Variants in SERPINE2 observed in about 807,000 individuals in gnomAD.
SERPINE2 encodes the protein serpin family E member 2, also known as glia-derived nexin.
In SERPINE2, 14 loss-of-function variants were observed where a neutral mutation model predicts 36.3. The ratio of observed to expected loss-of-function variants is 0.39; its 90% CI spans 0.25 to 0.60. The LOEUF (loss-of-function observed/expected upper bound fraction) is 0.60, where lower values mean the gene tolerates loss of function less well. Among genes scored for constraint, SERPINE2 ranks in the 20% least tolerant of loss-of-function variants. The pLI is 0.57. For synonymous variants in SERPINE2, 192 were observed against 191.8 expected (o/e 1.00, Z -0.01); for missense variants, 418 against 499.6 (o/e 0.84, Z 1.56).
chr2:224,030,927 G>A (rs2106201898), intron 1 of SERPINE2: 1 of 982,574 alleles, frequency 1.0e-6, no homozygotes, highest in South Asian at 4.7e-5. Flanking sequence ...ACAAGTGTCT[G>A]AGGAAGGAAC....
chr2:224,035,724 A>C lies in SERPINE2; in HGVS notation c.-23+3375T>G, dbSNP rs1406853555. Among the ~76,000 whole-genome samples the C allele has an allele frequency of 2.0e-5, 3 of 152,244 alleles. No homozygotes were observed. In the East Asian group the frequency reaches 5.8e-4, roughly 29 times the overall value. On this transcript the variant is annotated intron_variant, in intron 1 of 8. Transcript: ENST00000409304. ...CTATACATCCAAGTGGCATCTCCAG[A>C]TTTCTAAATATTAACTCAAGTTGTA...
At chr2:224,003,980 C>T (rs1420357544) in intron 1 of SERPINE2, among the ~76,000 whole-genome samples, 1 of 152,160 alleles carries the variant, frequency 6.6e-6, no homozygotes, top group African/African-American at 2.4e-5. Context: ...AAACTGGCCC[C>T]GTATTTGGTG....
chr2:223,977,671 C>CT, intron 7 of SERPINE2, 44 bp from the exon 8 acceptor site: 18 of 1,339,840 alleles, frequency 1.3e-5, no homozygotes, highest in Non-Finnish European at 1.8e-5. Flanking sequence ...TTACATGAGA[C>CT]CATGTAAGCA....
chr2:224,006,794 T>C (rs1160026119), intron 1 of SERPINE2, among the ~76,000 whole-genome samples: 1 of 152,192 alleles, frequency 6.6e-6, no homozygotes, highest in Non-Finnish European at 1.5e-5. Context: ...AGGGTTATTC[T>C]CAGGAAAAAT....
intron 1 of SERPINE2, among the ~76,000 whole-genome samples, chr2:224,016,044 C>T (rs1691788479): frequency 6.6e-6 from 1 of 152,156 alleles, no homozygotes; most frequent in Admixed American, 6.5e-5. Flanking sequence ...CATCATTAGC[C>T]ACTGGGGAAA....
intron 1 of SERPINE2, among the ~76,000 whole-genome samples, chr2:224,004,602 G>A (rs893203557): frequency 6.6e-6 from 1 of 152,134 alleles, no homozygotes; most frequent in Admixed American, 6.6e-5. Flanking sequence ...GACCGTGGAA[G>A]CTTTATTCAT....
chr2:224,002,188 G>T (rs1691204953), intron 1 of SERPINE2, among the ~76,000 whole-genome samples: 1 of 152,026 alleles, frequency 6.6e-6, no homozygotes, highest in Non-Finnish European at 1.5e-5. Context: ...TGTTGGCCAG[G>T]CTGGTCTCAA....
intron 1 of SERPINE2, among the ~76,000 whole-genome samples, chr2:224,012,873 T>C (rs1030790355): frequency 6.6e-6 from 1 of 152,050 alleles, no homozygotes; most frequent in South Asian, 2.1e-4. Context: ...AACCAAAGGA[T>C]CATAAAACTT....
intron 1 of SERPINE2, among the ~76,000 whole-genome samples, chr2:224,023,479 C>G (rs1167362492): frequency 6.6e-6 from 1 of 152,162 alleles, no homozygotes; most frequent in African/African-American, 2.4e-5. Context: ...AGAGGGAAGC[C>G]AGGAAAGTGC....
intron 1 of SERPINE2, chr2:224,031,536 T>A: frequency 1.0e-6 from 1 of 984,494 alleles, no homozygotes; most frequent in Non-Finnish European, 1.2e-6. Context: ...CCCACAGCCA[T>A]TGGTACACGG....
At chr2:224,015,017 G>A (rs1189378566) in intron 1 of SERPINE2, among the ~76,000 whole-genome samples, 1 of 151,766 alleles carries the variant, frequency 6.6e-6, no homozygotes, top group Non-Finnish European at 1.5e-5. Flanking sequence ...GTGGGGGCCA[G>A]GGAGGGTGGT....
At chr2:223,996,600 C>T (rs1418725888) in intron 3 of SERPINE2, among the ~76,000 whole-genome samples, 2 of 152,212 alleles carry the variant, frequency 1.3e-5, no homozygotes, top group Non-Finnish European at 2.9e-5. Context: ...CAGCCACTCC[C>T]TCGGCGATTC....
chr2:224,019,765 T>TAAAA (rs778718363), intron 1 of SERPINE2, among the ~76,000 whole-genome samples: 1 of 137,694 alleles, frequency 7.3e-6, no homozygotes, highest in African/African-American at 2.7e-5. Context: ...TTTTTTTTTT[T>TAAAA]AAAAAAAAAA....
chr2:223,999,791 G>C (rs13392722), intron 2 of SERPINE2, among the ~76,000 whole-genome samples: 40,033 of 152,062 alleles, frequency 0.26, 6,402 homozygotes, highest in African/African-American at 0.45. Flanking sequence ...CAAAAGTCCA[G>C]TTGCTATTTT....
At chr2:223,996,217 G>A (rs1034723655) in intron 3 of SERPINE2, among the ~76,000 whole-genome samples, 56 of 152,008 alleles carry the variant, frequency 3.7e-4, no homozygotes, top group African/African-American at 1.2e-3. Context: ...TCAAGGCAGC[G>A]GCTAAGAGGA....
At chr2:223,987,690 A>C (rs1690488346) in intron 4 of SERPINE2, among the ~76,000 whole-genome samples, 1 of 152,228 alleles carries the variant, frequency 6.6e-6, no homozygotes, top group Non-Finnish European at 1.5e-5. Context: ...TCAAGCATTA[A>C]AAATGTGGAG....
At chr2:223,995,438 G>T (rs575425226) in intron 3 of SERPINE2, among the ~76,000 whole-genome samples, 23 of 152,306 alleles carry the variant, frequency 1.5e-4, no homozygotes, top group Admixed American at 1.1e-3. Context: ...GGCCAGAAAT[G>T]CTATCTGTCC....
chr2:224,037,257 C>T (rs925804929), intron 1 of SERPINE2, among the ~76,000 whole-genome samples: 24 of 152,118 alleles, frequency 1.6e-4, no homozygotes, highest in African/African-American at 5.6e-4. Context: ...ATACTTATGA[C>T]CTCTATTCTC....
chr2:224,005,234 G>T (rs1158574534), intron 1 of SERPINE2, among the ~76,000 whole-genome samples: 1 of 151,330 alleles, frequency 6.6e-6, no homozygotes, highest in Non-Finnish European at 1.5e-5. Context: ...ATAAATTTTC[G>T]CTAAAAGAAC....
Sources: gnomAD v4.1 joint callset for allele counts (sites outside exome capture counted in the v4.1 genomes callset) on GRCh38, gnomAD v4.1.1 for gene constraint, MANE v1.5 for transcripts, NCBI Gene and HGNC (gene_info 2026-07-23, HGNC 2026-07-21) for gene names.